The following PCDHGA4 variants were observed in gnomAD, a reference collection of about 807,000 sequenced individuals.
PCDHGA4 encodes the protein protocadherin gamma-A4.
In PCDHGA4, 38 loss-of-function variants were observed where a neutral mutation model predicts 54.6. The observed-to-expected ratio is 0.70, with a 90% confidence interval of 0.54 to 0.91. The LOEUF is 0.91. Ranked by LOEUF, PCDHGA4 falls within the 40% of genes least tolerant of loss-of-function variation. PCDHGA4 has a pLI of 0.00. For missense variants in PCDHGA4, 1,298 were observed against 1,220.9 expected (o/e 1.06, Z -0.94); for synonymous variants, 511 against 512.9 (o/e 1.00, Z 0.05).
chr5:141,494,607 C>T (rs2099755630), intron 1 of PCDHGA4, among the ~76,000 whole-genome samples, 200 bp from the exon 2 acceptor site: 2 of 152,092 alleles, frequency 1.3e-5, no homozygotes, highest in South Asian at 2.1e-4. Flanking sequence ...TGTGATTTAT[C>T]TCTTGGTTTC....
Position 141,355,318 on chromosome 5 carries a change from G to C in PCDHGA4, c.211G>C (p.Glu71Gln), listed in dbSNP as rs963609371. 2.5e-6 allele frequency: 4 copies of C among 1,613,972 alleles called. No individual in the cohort carries two copies. The highest frequency in any genetic ancestry group is 3.4e-6 in the Non-Finnish European group (4 of 1,179,902). Residue 71 changes from glutamate to glutamine, a missense_variant, in exon 1 of 4, where the codon GAA becomes CAA. Transcript: ENST00000571252. ...QILYSVFEEQ[E>Q]EGSVVGNIAK... ...TCTCTACTCGGTGTTTGAGGAGCAG[G>C]AAGAAGGCTCAGTGGTGGGCAACAT...
chr5:141,441,672 GCCTTCGA>G (rs1327551430), intron 1 of PCDHGA4: 1 of 290,468 alleles, frequency 3.4e-6, no homozygotes, highest in Non-Finnish European at 6.8e-6. Flanking sequence ...CGCACAGTGC[GCCTTCGA>G]CCAAGAGCAG....
rs1488305057 is a variant in PCDHGA4, at chr5:141,477,736, C to G, written c.2515-17071C>G. 6.2e-7 allele frequency: 1 copy of G among 1,613,790 alleles called. No homozygotes were observed. The highest frequency in any genetic ancestry group is 1.1e-5 in the South Asian group (1 of 91,088). On this transcript the variant is annotated intron_variant, in intron 1 of 3. Coordinates refer to ENST00000571252, the MANE Select transcript of PCDHGA4 (RefSeq NM_018917.4). This position sits in a 1 kb window ranked among gnomAD's most constrained non-coding sequence, Gnocchi z 4.9. ...AATTTGAATTAACAGCTCATATCAG[C>G]GATGGGGGCACCCCGGTCCTAGCCA...
intron 1 of PCDHGA4, chr5:141,418,786 TGAA>T: frequency 1.2e-6 from 2 of 1,613,854 alleles, no homozygotes; most frequent in Non-Finnish European, 8.5e-7. Flanking sequence ...CTTTGGATTT[TGAA>T]GAAGTAGAAA....
At position 141,436,830 on chromosome 5, in the gene PCDHGA4, T is replaced by C. The variant is rs1054296892; in HGVS notation, c.2515-57977T>C. On this transcript the variant is annotated intron_variant, in intron 1 of 3. Coordinates refer to ENST00000571252, the MANE Select transcript of PCDHGA4 (RefSeq NM_018917.4). ...TGACAGCTGGTTTAAAAATCTTAAGTGCCTAGGCACATTCTTGATTGAGAA... is the reference window on the plus strand; with the variant it reads ...TGACAGCTGGTTTAAAAATCTTAAGCGCCTAGGCACATTCTTGATTGAGAA... Among the ~76,000 whole-genome samples, 37 of 152,252 alleles carry C rather than the reference T, an allele frequency of 2.4e-4. 1 individual carries two copies.
At chr5:141,415,885 C>G in intron 1 of PCDHGA4, 2 of 979,016 alleles carry the variant, frequency 2.0e-6, no homozygotes, top group Non-Finnish European at 2.7e-6. Flanking sequence ...ACAATATTGA[C>G]AATTCCTAAG....
In PCDHGA4 at chr5:141,476,585, G is replaced by C; in HGVS notation, c.2515-18222G>C. 6.2e-7 allele frequency: 1 copy of C among 1,614,214 alleles called. No homozygotes were observed. The highest frequency in any genetic ancestry group is 8.5e-7 in the Non-Finnish European group (1 of 1,180,040). On this transcript the variant is annotated intron_variant, in intron 1 of 3. Coordinates refer to ENST00000571252, the MANE Select transcript of PCDHGA4 (RefSeq NM_018917.4). The surrounding 1 kb of genome is among the most constrained non-coding windows in gnomAD (Gnocchi z 7.6). ...GGCTCCGGGGACGCGCTTTCCGCTC[G>C]AGAGCGCGCACGATCCCGATGTGGG...
chr5:141,511,093 G>A lies in PCDHGA4; in HGVS notation c.2809G>A (p.Ala937Thr), dbSNP rs377350933. The change falls in exon 4 of 4, where the codon GCA (alanine) becomes ACA (threonine). Residue 937 changes from alanine to threonine, a missense_variant. Physicochemically the swap from Ala to Thr is moderately conservative, Grantham distance 58. Coordinates refer to ENST00000571252, the MANE Select transcript of PCDHGA4 (RefSeq NM_018917.4). Reference protein sequence around the residue: ...IPGSNATLTNAAGKRDGKAPA... With the variant: ...IPGSNATLTNTAGKRDGKAPA... ...AGGCAGCAATGCCACACTGACCAACGCAGCTGGCAAGCGGGATGGCAAGGC... is the reference window on the plus strand; with the variant it reads ...AGGCAGCAATGCCACACTGACCAACACAGCTGGCAAGCGGGATGGCAAGGC... 8 of 1,614,072 alleles carry A rather than the reference G, an allele frequency of 5.0e-6. No individual in the cohort carries two copies. Among genetic ancestry groups the A allele is most frequent in the African/African-American group, 4.0e-5 (3 of 74,916 alleles).
intron 1 of PCDHGA4, chr5:141,384,825 CG>C (rs1780562640): frequency 1.2e-6 from 2 of 1,613,472 alleles, no homozygotes; most frequent in Non-Finnish European, 1.7e-6. Context: ...AGCAGAGCCT[CG>C]TGGTGGCCGT....
In PCDHGA4 at chr5:141,433,056, G is replaced by T. The variant is rs1422450948; in HGVS notation, c.2515-61751G>T. ...TCCCTCACCACGGACTCGCGGAAGA[G>T]TCACCTGATCTTCCCCCAGCCCAAC... On this transcript the variant is annotated intron_variant, in intron 1 of 3. Coordinates refer to ENST00000571252, the MANE Select transcript of PCDHGA4 (RefSeq NM_018917.4). The T allele has an allele frequency of 6.8e-6, 11 of 1,614,086 alleles. No homozygotes were observed. In the South Asian group the frequency reaches 1.1e-4, roughly 16 times the overall value.
intron 2 of PCDHGA4, among the ~76,000 whole-genome samples, chr5:141,501,530 G>A (rs556760554): frequency 3.5e-4 from 53 of 151,998 alleles, no homozygotes; most frequent in Admixed American, 2.2e-3. Context: ...AGCCCAGTAC[G>A]TTGTTGTGCA....
At chr5:141,439,124 CAG>C (rs2098089371) in intron 1 of PCDHGA4, among the ~76,000 whole-genome samples, 1 of 150,004 alleles carries the variant, frequency 6.7e-6, no homozygotes, top group Non-Finnish European at 1.5e-5. Flanking sequence ...ACCCGGGAGA[CAG>C]AGGTTGCAGT....
intron 1 of PCDHGA4, chr5:141,478,198 ACTT>A (rs2099438516): frequency 1.2e-6 from 2 of 1,613,746 alleles, no homozygotes; most frequent in African/African-American, 1.3e-5. Context: ...CCTTTTATCT[ACTT>A]CTTTCTCTAA....
chr5:141,398,051 C>T, intron 1 of PCDHGA4: 1 of 1,512,220 alleles, frequency 6.6e-7, no homozygotes, highest in Non-Finnish European at 8.9e-7. Flanking sequence ...GTTCGGAGAT[C>T]CAAAAATCTA....
At chr5:141,419,227 C>G in intron 1 of PCDHGA4, 1 of 1,614,024 alleles carries the variant, frequency 6.2e-7, no homozygotes, top group South Asian at 1.1e-5. Flanking sequence ...GACAGTCAGC[C>G]TACCTGGTCC....
At chr5:141,422,566 A>G (rs2096656660) in intron 1 of PCDHGA4, 1 of 1,614,020 alleles carries the variant, frequency 6.2e-7, no homozygotes, top group Non-Finnish European at 8.5e-7. Flanking sequence ...GGCAGATGAC[A>G]ACGATAACCC....
chr5:141,431,554 C>A lies in PCDHGA4; in HGVS notation c.2515-63253C>A, dbSNP rs766242338. On this transcript the variant is annotated intron_variant, in intron 1 of 3. Coordinates refer to ENST00000571252, the MANE Select transcript of PCDHGA4 (RefSeq NM_018917.4). The surrounding 1 kb of genome is among the most constrained non-coding windows in gnomAD (Gnocchi z 4.8). ...TGGGCACGCAGCTGCTTGTAGTCAA[C>A]GCTACCGACCCTGACGAAGGAGTCA... 1.2e-6 allele frequency: 2 copies of A among 1,614,008 alleles called. No individual in the cohort carries two copies. Among genetic ancestry groups the A allele is most frequent in the African/African-American group, 1.3e-5 (1 of 74,942 alleles).
At chr5:141,413,785 C>G (rs771027783) in intron 1 of PCDHGA4, 17 of 1,613,070 alleles carry the variant, frequency 1.1e-5, no homozygotes, top group Non-Finnish European at 1.4e-5. Flanking sequence ...GGAGCACTCC[C>G]TAGATCGCGA....
At chr5:141,410,532 A>G in intron 1 of PCDHGA4, 1 of 1,613,908 alleles carries the variant, frequency 6.2e-7, no homozygotes, top group Non-Finnish European at 8.5e-7. Context: ...CATTCCAATG[A>G]AGACATGGTT....
Sources: gnomAD v4.1 joint callset for allele counts (sites outside exome capture counted in the v4.1 genomes callset) on GRCh38, gnomAD v4.1.1 for gene constraint, Gnocchi (gnomAD v3.1) non-coding constraint, MANE v1.5 for transcripts, NCBI Gene and HGNC (gene_info 2026-07-23, HGNC 2026-07-21) for gene names.